MSTN: variants seen among roughly 807,000 people sequenced by gnomAD.
The protein encoded by MSTN is myostatin, also known as growth/differentiation factor 8.
A neutral mutation model predicts 32.3 loss-of-function variants in MSTN; 12 were observed. The observed-to-expected ratio is 0.37, with a 90% CI of 0.24 to 0.60. MSTN has a LOEUF of 0.60. Among genes scored for constraint, MSTN ranks in the 20% least tolerant of loss-of-function variants. The pLI is 0.67. For synonymous variants in MSTN, 168 were observed against 155.1 expected, an observed-to-expected ratio of 1.08 and a Z score of -0.62; for missense variants, 403 against 450.3, an observed-to-expected ratio of 0.89 and a Z score of 0.95.
intron 1 of MSTN, among the ~76,000 whole-genome samples, chr2:190,061,832 G>A (rs897794902): frequency 1.4e-5 from 2 of 147,834 alleles, no homozygotes; most frequent in African/African-American, 5.0e-5. Flanking sequence ...TTTTTTTTCT[G>A]TTATTAGTGA....
At chr2:190,061,818 CTT>C (rs879465495) in intron 1 of MSTN, among the ~76,000 whole-genome samples, 33 of 144,244 alleles carry the variant, frequency 2.3e-4, no homozygotes, top group African/African-American at 7.8e-4. Flanking sequence ...CAGCAAGTTT[CTT>C]TTTTTTTTTC....
rs762492739 is a variant in MSTN at position 190,057,519 on chromosome 2, A to C, written c.867T>G (p.Asp289Glu). Residue 289 changes from aspartate to glutamate, a missense_variant, in exon 3 of 3, where the codon GAT becomes GAG. Asp to Glu is a conservative substitution (Grantham distance 45). Transcript: ENST00000260950. ...TCCAATCCCATCCAAAAGCTTCAAAATCCACAGTTAGAGGGTAACGACAGC... is the reference window on the plus strand; with the variant it reads ...TCCAATCCCATCCAAAAGCTTCAAACTCCACAGTTAGAGGGTAACGACAGC... ...SRCCRYPLTV[D>E]FEAFGWDWII... The C allele has an allele frequency of 3.1e-6, 5 of 1,613,420 alleles. No homozygotes were observed. In the Admixed American group the frequency reaches 5.0e-5, roughly 16 times the overall value.
At position 190,062,355 on chromosome 2, in the gene MSTN, A is replaced by G; in HGVS notation, c.242T>C (p.Leu81Ser). 6.2e-7 allele frequency: 1 copy of G among 1,613,412 alleles called. No homozygotes were observed. The highest frequency in any genetic ancestry group is 8.5e-7 in the Non-Finnish European group (1 of 1,179,584). Residue 81 changes from leucine to serine, a missense_variant, in exon 1 of 3, where the codon TTA becomes TCA. By Grantham distance (145) the Leu-to-Ser change is moderately radical. Coordinates refer to ENST00000260950, the MANE Select transcript of MSTN (RefSeq NM_005259.3). ...TTCCCGGAGTGGAGGAGCTTTGGGT[A>G]AAAGTTGTCTTATAACATCTTTGCT... ...NISKDVIRQL[L>S]PKAPPLRELI...
intron 1 of MSTN, among the ~76,000 whole-genome samples, chr2:190,061,843 A>G (rs1163346123): frequency 6.6e-6 from 1 of 151,948 alleles, no homozygotes; most frequent in Non-Finnish European, 1.5e-5. Flanking sequence ...TTATTAGTGA[A>G]AAAAACTTAT....
At position 190,057,137 on chromosome 2, in the gene MSTN, T is replaced by A; in HGVS notation, c.*121A>T. On this transcript the variant is annotated 3_prime_UTR_variant, in exon 3 of 3. Coordinates refer to ENST00000260950, the MANE Select transcript of MSTN (RefSeq NM_005259.3). ...CTTTTAGTTTACATACTGTAGCTTA[T>A]GCTTAAGTGACTGTAGCATACTCTA... The A allele has an allele frequency of 9.7e-7, 1 of 1,028,462 alleles. No homozygotes were observed. The highest frequency in any genetic ancestry group is 2.5e-5 in the East Asian group (1 of 39,778). The allele number at this position is 1,028,462 out of a possible 1,614,324, so 63.7% of individuals were successfully genotyped here. A position where few individuals can be genotyped will look rare whatever the true frequency, so the allele number is the denominator to read the frequency against.
In MSTN at chr2:190,062,349, T is replaced by A; in HGVS notation, c.248A>T (p.Lys83Ile). 6.2e-7 allele frequency: 1 copy of A among 1,613,272 alleles called. No individual in the cohort carries two copies. The highest frequency in any genetic ancestry group is 8.5e-7 in the Non-Finnish European group (1 of 1,179,490). The change falls in exon 1 of 3, where the codon AAA becomes ATA. Residue 83 changes from lysine to isoleucine, a missense_variant. Physicochemically the swap from Lys to Ile is moderately radical, Grantham distance 102 (BLOSUM62 -3). Transcript: ENST00000260950. ...SKDVIRQLLP[K>I]APPLRELIDQ... is the part of the protein sequence containing the mutation. ...AATCAGTTCCCGGAGTGGAGGAGCT[T>A]TGGGTAAAAGTTGTCTTATAACATC... is the stretch of plus-strand genomic sequence containing the variant.
chr2:190,059,851 A>G (rs1038620651), intron 2 of MSTN, among the ~76,000 whole-genome samples: 1 of 151,934 alleles, frequency 6.6e-6, no homozygotes, highest in Non-Finnish European at 1.5e-5. Context: ...GTTTTCTAAA[A>G]TCTTGATGCA....
intron 1 of MSTN, 77 bp from the exon 2 acceptor site, chr2:190,060,512 AT>A: frequency 7.6e-6 from 10 of 1,316,716 alleles, no homozygotes; most frequent in Non-Finnish European, 1.0e-5. Context: ...ATAGTTGAGC[AT>A]TTTTTTAAAT....
At position 190,057,180 on chromosome 2, in the gene MSTN, A is replaced by G. The variant is rs1685459013; in HGVS notation, c.*78T>C. 3 of 1,514,556 alleles carry G rather than the reference A, an allele frequency of 2.0e-6. No homozygotes were observed. The highest frequency in any genetic ancestry group is 3.4e-5 in the Admixed American group (2 of 58,964). The allele number at this position is 1,514,556 out of a possible 1,614,324, so 93.8% of individuals were successfully genotyped here. On this transcript the variant is annotated 3_prime_UTR_variant, in exon 3 of 3. Transcript: ENST00000260950. ...ATACTCTAGGCCTATAGCCTGTGGT[A>G]CTTAATTTCACAGCTTCAAAATTGT... is the stretch of plus-strand genomic sequence containing the variant.
chr2:190,058,963 AC>A (rs1254743924), intron 2 of MSTN, among the ~76,000 whole-genome samples: 2 of 151,642 alleles, frequency 1.3e-5, no homozygotes, highest in Non-Finnish European at 2.9e-5. Flanking sequence ...AACCACTTGT[AC>A]CCCCCAACAT....
chr2:190,058,214 C>T (rs1366307026), intron 2 of MSTN, among the ~76,000 whole-genome samples: 1 of 151,964 alleles, frequency 6.6e-6, no homozygotes, highest in East Asian at 1.9e-4. Flanking sequence ...TGTTTCTATT[C>T]AGGTATTTAA....
chr2:190,059,131 T>C (rs193128530), intron 2 of MSTN, among the ~76,000 whole-genome samples: 1 of 152,046 alleles, frequency 6.6e-6, no homozygotes, highest in Non-Finnish European at 1.5e-5. Flanking sequence ...ACTAAGATCA[T>C]TGAATGATTA....
At chr2:190,057,850 C>T (rs1165638657) in intron 2 of MSTN, among the ~76,000 whole-genome samples, 5 of 152,062 alleles carry the variant, frequency 3.3e-5, no homozygotes, top group African/African-American at 1.2e-4. Flanking sequence ...ACAAATTCCC[C>T]TAAGGTCAGT....
At position 190,060,117 on chromosome 2, in the gene MSTN, T is replaced by A; in HGVS notation, c.692A>T (p.Asp231Val). 1 of 1,612,936 alleles carries A rather than the reference T, an allele frequency of 6.2e-7. No homozygotes were observed. Among genetic ancestry groups the A allele is most frequent in the East Asian group, 2.2e-5 (1 of 44,854 alleles). The change falls in exon 2 of 3, where the codon GAT (aspartate) becomes GTT (valine). Residue 231 changes from aspartate (D) to valine (V), a missense_variant. Transcript: ENST00000260950. ...TACAGCAAGATCATGACCATTCTCA[T>A]CTAAAGCTTTTATTTCAATGCCTAA... is the stretch of plus-strand genomic sequence containing the variant. ...SNLGIEIKAL[D>V]ENGHDLAVTF...
intron 2 of MSTN, among the ~76,000 whole-genome samples, chr2:190,058,818 T>A (rs1297860402): frequency 6.6e-6 from 1 of 151,800 alleles, no homozygotes; most frequent in African/African-American, 2.4e-5. Context: ...TACAGAGTAG[T>A]ATAAGGTACT....
At chr2:190,057,700 C>T in intron 2 of MSTN, 62 bp from the exon 3 acceptor site, 1 of 1,553,316 alleles carries the variant, frequency 6.4e-7, no homozygotes, top group Non-Finnish European at 8.9e-7. Context: ...TTTCTACCTA[C>T]CTTAAGAAGT....
At chr2:190,062,134 T>A (rs1274021561) in intron 1 of MSTN, 90 bp downstream of exon 1, 1 of 901,226 alleles carries the variant, frequency 1.1e-6, no homozygotes, top group Admixed American at 2.9e-5. Flanking sequence ...CAACAGCTTG[T>A]TTAAAAGAGC....
rs1685462203 is a variant in MSTN at position 190,057,282 on chromosome 2, T to C, written c.1104A>G (p.Val368=). ...CTCATGAGCACCCACAGCGGTCTAC[T>C]ACCATCGCTGGAATTTTCCCATATA... ...QIIYGKIPAM[V]VDRCGCS is the part of the protein sequence containing the mutation. Residue 368 remains valine, a synonymous_variant, in exon 3 of 3, where the codon GTA becomes GTG. Coordinates refer to ENST00000260950, the MANE Select transcript of MSTN (RefSeq NM_005259.3). 1.9e-6 allele frequency: 3 copies of C among 1,613,344 alleles called. No individual in the cohort carries two copies. The East Asian group carries it at 6.7e-5, about 36-fold the overall frequency.
At position 190,056,384 on chromosome 2, in the gene MSTN, A is replaced by T. The variant is rs1303030711; in HGVS notation, c.*874T>A. On this transcript the variant is annotated 3_prime_UTR_variant, in exon 3 of 3. Coordinates refer to ENST00000260950, the MANE Select transcript of MSTN (RefSeq NM_005259.3). The stretch of plus-strand genomic sequence containing the variant: ...TCTATTATTTTACCATAAAAACTGC[A>T]GTGTTGCAAAGGCAGTGTTGTAATT... The T allele has an allele frequency of 2.0e-5, 3 of 152,578 alleles. No homozygotes were observed. The allele number at this position is 152,578 out of a possible 1,614,324, so 9.5% of individuals were successfully genotyped here. A position where few individuals can be genotyped will look rare whatever the true frequency, so the allele number is the denominator to read the frequency against.
Sources: allele counts gnomAD v4.1 joint callset (sites outside exome capture counted in the v4.1 genomes callset), GRCh38; gene constraint gnomAD v4.1.1; transcripts MANE v1.5; gene names NCBI Gene and HGNC (gene_info 2026-07-23, HGNC 2026-07-21).